The following SORCS2 variants were observed in gnomAD, a reference collection of about 807,000 sequenced individuals.
The protein encoded by SORCS2 is VPS10 domain-containing receptor SorCS2.
SORCS2 carries 100 observed loss-of-function variants against 141.6 expected under a neutral mutation model. The observed-to-expected ratio is 0.71, with a 90% CI of 0.60 to 0.83. SORCS2 has a LOEUF of 0.83. SORCS2 is among the 40% of genes least tolerant of loss of function. The pLI is 0.00. For missense variants in SORCS2, 1,646 were observed against 1,560.2 expected (o/e 1.05, Z -0.93); for synonymous variants, 789 against 676.9 (o/e 1.17, Z -2.57).
chr4:7,194,403 A>T (rs1727046032), intron 1 of SORCS2, among the ~76,000 whole-genome samples: 1 of 152,032 alleles, frequency 6.6e-6, no homozygotes, highest in Admixed American at 6.5e-5. Context: ...TGGAGGAGGG[A>T]TGAGGTGGGC....
intron 2 of SORCS2, chr4:7,434,338 C>G (rs1319787225): frequency 6.2e-7 from 1 of 1,609,750 alleles, no homozygotes; most frequent in Non-Finnish European, 8.5e-7. Context: ...GCACAGAGCT[C>G]CTTCAGGCGC....
intron 5 of SORCS2, among the ~76,000 whole-genome samples, chr4:7,660,102 C>T (rs1722056648): frequency 6.6e-6 from 1 of 152,214 alleles, no homozygotes; most frequent in African/African-American, 2.4e-5. Flanking sequence ...TGAGCACCTG[C>T]CACCAAATGG....
chr4:7,319,788 T>A (rs1718784631), intron 1 of SORCS2, among the ~76,000 whole-genome samples: 2 of 152,246 alleles, frequency 1.3e-5, no homozygotes, highest in South Asian at 4.1e-4. Flanking sequence ...AGTTTTGCTG[T>A]CACTGGTGGT....
chr4:7,376,626 A>G (rs1722673758), intron 1 of SORCS2, among the ~76,000 whole-genome samples: 1 of 152,190 alleles, frequency 6.6e-6, no homozygotes, highest in African/African-American at 2.4e-5. Context: ...CCCAGAGGTC[A>G]TTATTTTCTC....
intron 1 of SORCS2, among the ~76,000 whole-genome samples, chr4:7,292,160 C>T (rs936260450): frequency 1.3e-5 from 2 of 152,182 alleles, no homozygotes; most frequent in South Asian, 2.1e-4. Flanking sequence ...CTTCACAGTC[C>T]GTTCACCAAG....
chr4:7,274,652 G>T (rs1715364949), intron 1 of SORCS2, among the ~76,000 whole-genome samples: 1 of 152,156 alleles, frequency 6.6e-6, no homozygotes, highest in African/African-American at 2.4e-5. Context: ...CTCCCACCAG[G>T]CCCCACCTCC....
intron 11 of SORCS2, 38 bp downstream of exon 11, chr4:7,689,626 TTACAGCCCAAGAG>T: frequency 6.5e-7 from 1 of 1,534,540 alleles, no homozygotes; most frequent in East Asian, 2.4e-5. Flanking sequence ...GCAGGTGCCA[TTACAGCCCAAGAG>T]TACCTCCAAT....
chr4:7,699,393 G>A (rs554657963), intron 12 of SORCS2, among the ~76,000 whole-genome samples: 8 of 152,320 alleles, frequency 5.3e-5, no homozygotes, highest in African/African-American at 1.2e-4. Flanking sequence ...ATGCAGCATC[G>A]CCCTCCTGCC....
chr4:7,581,467 T>A (rs896704109), intron 3 of SORCS2, among the ~76,000 whole-genome samples: 5 of 152,042 alleles, frequency 3.3e-5, no homozygotes, highest in African/African-American at 1.2e-4. Context: ...CAGACCACAG[T>A]AGACCCCATC....
At chr4:7,704,339 C>A in intron 14 of SORCS2, 55 bp downstream of exon 14, 1 of 1,452,530 alleles carries the variant, frequency 6.9e-7, no homozygotes, top group South Asian at 1.3e-5. Context: ...CCATGCTGGG[C>A]CTCCCTGGGC....
chr4:7,390,755 C>T (rs181571905), intron 1 of SORCS2, among the ~76,000 whole-genome samples: 21 of 152,256 alleles, frequency 1.4e-4, no homozygotes, highest in African/African-American at 5.1e-4. Flanking sequence ...ATGCTGGTTA[C>T]ATTGGGGAAA....
intron 1 of SORCS2, among the ~76,000 whole-genome samples, chr4:7,267,834 G>T (rs1211542878): frequency 1.3e-5 from 2 of 152,032 alleles, no homozygotes; most frequent in African/African-American, 4.8e-5. Flanking sequence ...TCCGTCTCAA[G>T]AAAAAAAATA....
At chr4:7,219,693 A>G (rs1381854257) in intron 1 of SORCS2, among the ~76,000 whole-genome samples, 1 of 152,206 alleles carries the variant, frequency 6.6e-6, no homozygotes, top group Non-Finnish European at 1.5e-5. Flanking sequence ...CCACCCCATG[A>G]TCCAACCACT....
intron 2 of SORCS2, among the ~76,000 whole-genome samples, chr4:7,429,410 GGAAGACAT>G (rs1161134513): frequency 6.6e-6 from 1 of 152,246 alleles, no homozygotes; most frequent in East Asian, 1.9e-4. Context: ...CATTTGGTGA[GGAAGACAT>G]GAAGAAAACA....
At chr4:7,651,045 G>A (rs1440600723) in intron 4 of SORCS2, among the ~76,000 whole-genome samples, 1 of 147,780 alleles carries the variant, frequency 6.8e-6, no homozygotes, top group African/African-American at 2.7e-5. Flanking sequence ...AAGATGAACT[G>A]GGGACATCAG....
chr4:7,324,189 G>C (rs1479641766), intron 1 of SORCS2, among the ~76,000 whole-genome samples: 1 of 152,256 alleles, frequency 6.6e-6, no homozygotes, highest in Admixed American at 6.5e-5. Context: ...TGCCTCGGCA[G>C]CCTCCCTGAC....
intron 3 of SORCS2, among the ~76,000 whole-genome samples, chr4:7,603,435 C>G (rs994336449): frequency 2.6e-5 from 4 of 152,166 alleles, no homozygotes; most frequent in African/African-American, 9.7e-5. Flanking sequence ...TTGGTTATGT[C>G]TTCAGCTGTA....
chr4:7,655,837 G>A (rs545459579), intron 5 of SORCS2, among the ~76,000 whole-genome samples: 1 of 152,186 alleles, frequency 6.6e-6, no homozygotes, highest in African/African-American at 2.4e-5. Context: ...TTCACTCCCG[G>A]GCCAGGCCGG....
chr4:7,297,837 G>A (rs1467451478), intron 1 of SORCS2, among the ~76,000 whole-genome samples: 1 of 152,188 alleles, frequency 6.6e-6, no homozygotes, highest in Non-Finnish European at 1.5e-5. Flanking sequence ...GGTGTCTGGG[G>A]CTTTGTGCTG....
Sources: gnomAD v4.1 joint callset for allele counts (sites outside exome capture counted in the v4.1 genomes callset) on GRCh38, gnomAD v4.1.1 for gene constraint, MANE v1.5 for transcripts, NCBI Gene and HGNC (gene_info 2026-07-23, HGNC 2026-07-21) for gene names.